ADGRB3: variants seen among roughly 807,000 people sequenced by gnomAD.
ADGRB3 encodes brain-specific angiogenesis inhibitor 3.
Under a neutral mutation model 193.4 loss-of-function variants are expected in ADGRB3, and 37 were observed. The ratio of observed to expected loss-of-function variants is 0.19; its 90% CI spans 0.15 to 0.25. The LOEUF is 0.25. Among genes scored for constraint, ADGRB3 ranks in the 10% least tolerant of loss-of-function variants. ADGRB3 has a pLI of 1.00. For missense variants in ADGRB3, 1,637 were observed against 1,852.9 expected, an observed-to-expected ratio of 0.88 and a Z score of 2.14; for synonymous variants, 690 against 644.2, an observed-to-expected ratio of 1.07 and a Z score of -1.08.
intron 20 of ADGRB3, among the ~76,000 whole-genome samples, chr6:69,278,397 G>A (rs554952211): frequency 3.7e-4 from 56 of 152,266 alleles, no homozygotes; most frequent in African/African-American, 1.1e-3. Context: ...CTTATGATGC[G>A]TAACAGCAGT....
At chr6:69,343,151 T>A (rs975932837) in intron 26 of ADGRB3, among the ~76,000 whole-genome samples, 1 of 147,810 alleles carries the variant, frequency 6.8e-6, no homozygotes, top group Non-Finnish European at 1.5e-5. Context: ...ATTTTTTTTA[T>A]TTTTTTTTAT....
chr6:69,216,070 A>G (rs1177952744), intron 17 of ADGRB3, among the ~76,000 whole-genome samples: 1 of 152,106 alleles, frequency 6.6e-6, no homozygotes, highest in African/African-American at 2.4e-5. Flanking sequence ...CTGCTACTAA[A>G]TACTGACTTT....
intron 3 of ADGRB3, among the ~76,000 whole-genome samples, chr6:68,841,056 C>G (rs1435462820): frequency 6.6e-6 from 1 of 152,114 alleles, no homozygotes; most frequent in Admixed American, 6.6e-5. Context: ...GATATATCAA[C>G]TGCAAATATA....
intron 17 of ADGRB3, among the ~76,000 whole-genome samples, chr6:69,226,302 T>A (rs1431174335): frequency 6.6e-6 from 1 of 152,236 alleles, no homozygotes. Flanking sequence ...AATAAATATT[T>A]GTTGAATAAA....
At chr6:68,982,840 G>A (rs1308354133) in intron 10 of ADGRB3, among the ~76,000 whole-genome samples, 1 of 152,022 alleles carries the variant, frequency 6.6e-6, no homozygotes, top group Non-Finnish European at 1.5e-5. Context: ...CTACCCGAGA[G>A]GTGCTCTGCC....
At chr6:68,906,779 G>C (rs2150235423) in intron 3 of ADGRB3, among the ~76,000 whole-genome samples, 1 of 152,026 alleles carries the variant, frequency 6.6e-6, no homozygotes, top group Non-Finnish European at 1.5e-5. Context: ...TTGTATTCAT[G>C]CAACTTTGCT....
chr6:69,269,462 T>A (rs55646932), intron 20 of ADGRB3, among the ~76,000 whole-genome samples: 24 of 152,308 alleles, frequency 1.6e-4, no homozygotes, highest in South Asian at 6.2e-4. Flanking sequence ...TGGTTTGTGC[T>A]TGTAGTTGCA....
chr6:68,673,088 G>A (rs904705335), intron 3 of ADGRB3, among the ~76,000 whole-genome samples: 1 of 152,016 alleles, frequency 6.6e-6, no homozygotes, highest in Non-Finnish European at 1.5e-5. Flanking sequence ...GCATCTGTCT[G>A]TGTGTATGTT....
At chr6:69,134,827 A>G (rs1186333415) in intron 17 of ADGRB3, among the ~76,000 whole-genome samples, 2 of 152,010 alleles carry the variant, frequency 1.3e-5, no homozygotes, top group Non-Finnish European at 2.9e-5. Flanking sequence ...GAATAAAGGG[A>G]AATATGGAAA....
At chr6:68,951,339 T>C (rs1281704156) in intron 6 of ADGRB3, among the ~76,000 whole-genome samples, 3 of 152,108 alleles carry the variant, frequency 2.0e-5, no homozygotes, top group Non-Finnish European at 2.9e-5. Context: ...CAGACTCAGC[T>C]CTAATATCGT....
intron 12 of ADGRB3, among the ~76,000 whole-genome samples, chr6:69,017,701 G>T (rs2150286906): frequency 6.6e-6 from 1 of 151,882 alleles, no homozygotes. Context: ...TGGACAGTTA[G>T]GTAGATACTG....
chr6:68,980,355 C>T (rs575509254), intron 10 of ADGRB3, among the ~76,000 whole-genome samples: 1 of 151,522 alleles, frequency 6.6e-6, no homozygotes, highest in East Asian at 1.9e-4. Context: ...GAGCTACAGA[C>T]AGAGAGACCA....
intron 17 of ADGRB3, among the ~76,000 whole-genome samples, chr6:69,121,498 C>T (rs968295065): frequency 6.6e-6 from 1 of 152,138 alleles, no homozygotes; most frequent in African/African-American, 2.4e-5. Flanking sequence ...TCATCATGGC[C>T]CGTTCTCGAT....
chr6:68,788,809 A>C (rs1042593773), intron 3 of ADGRB3, among the ~76,000 whole-genome samples: 12 of 152,150 alleles, frequency 7.9e-5, no homozygotes, highest in East Asian at 3.8e-4. Flanking sequence ...GTAGGTCACT[A>C]AGGACTTGCT....
At chr6:68,784,482 A>G (rs543907758) in intron 3 of ADGRB3, among the ~76,000 whole-genome samples, 1 of 152,158 alleles carries the variant, frequency 6.6e-6, no homozygotes, top group Non-Finnish European at 1.5e-5. Context: ...ATATGCTATT[A>G]TATTTTCCTT....
intron 29 of ADGRB3, among the ~76,000 whole-genome samples, chr6:69,362,984 C>G (rs1468474061): frequency 6.6e-6 from 1 of 151,910 alleles, no homozygotes; most frequent in Non-Finnish European, 1.5e-5. Flanking sequence ...TAGTGTGGCT[C>G]TTTTAAATGT....
chr6:68,715,746 T>G (rs1350534732), intron 3 of ADGRB3, among the ~76,000 whole-genome samples: 1 of 151,852 alleles, frequency 6.6e-6, no homozygotes, highest in Non-Finnish European at 1.5e-5. Flanking sequence ...AGCCATTTTA[T>G]TTTCCCTTGT....
chr6:68,838,591 C>A (rs150659213), intron 3 of ADGRB3, among the ~76,000 whole-genome samples: 103 of 152,180 alleles, frequency 6.8e-4, no homozygotes, highest in Non-Finnish European at 1.3e-3. Context: ...GTGTTGTTAG[C>A]AAAATAAATT....
chr6:69,249,887 C>T (rs1019003180), intron 20 of ADGRB3, among the ~76,000 whole-genome samples: 2 of 152,120 alleles, frequency 1.3e-5, no homozygotes, highest in African/African-American at 4.8e-5. Context: ...TGGGTCTTGA[C>T]TATGAAATTT....
Sources: gnomAD v4.1 joint callset for allele counts (sites outside exome capture counted in the v4.1 genomes callset) on GRCh38, gnomAD v4.1.1 for gene constraint, MANE v1.5 for transcripts, NCBI Gene and HGNC (gene_info 2026-07-23, HGNC 2026-07-21) for gene names.